Variants in ZFYVE1 observed in about 807,000 individuals in gnomAD.
ZFYVE1 encodes zinc finger FYVE domain-containing protein 1.
ZFYVE1 carries 30 observed loss-of-function variants against 74.4 expected under a neutral mutation model. The observed-to-expected ratio is 0.40, with a 90% CI of 0.30 to 0.55. The LOEUF (loss-of-function observed/expected upper bound fraction) is 0.55, where lower values mean the gene tolerates loss of function less well. Among genes scored for constraint, ZFYVE1 ranks in the 20% least tolerant of loss-of-function variants. The pLI is 0.42. For missense variants in ZFYVE1, 703 were observed against 1,011.6 expected (o/e 0.69, Z 4.14); for synonymous variants, 335 against 385.1 (o/e 0.87, Z 1.52).
Position 73,024,031 on chromosome 14 carries a change from T to G in ZFYVE1, c.478A>C (p.Ile160Leu). 1 of 1,613,730 alleles carries G rather than the reference T, an allele frequency of 6.2e-7. No homozygotes were observed. The highest frequency in any genetic ancestry group is 8.5e-7 in the Non-Finnish European group (1 of 1,179,866). ...SFLLVDENEE[I>L]QVTNEEDFIR... is the part of the protein sequence containing the mutation. ...CACTATACCCGTGTGCTTACCTGAATTTCTTCATTTTCGTCTACTAGGAGG... is the reference window on the plus strand; with the variant it reads ...CACTATACCCGTGTGCTTACCTGAAGTTCTTCATTTTCGTCTACTAGGAGG... Residue 160 changes from isoleucine to leucine, a missense_variant, in exon 2 of 12, where the codon ATT becomes CTT. Ile to Leu is a conservative substitution (Grantham distance 5, BLOSUM62 2). Transcript: ENST00000556143.
rs576614040 is a variant in ZFYVE1, at chr14:72,991,468, C to T, written c.1203+1675G>A. On this transcript the variant is annotated intron_variant, in intron 4 of 11. Coordinates refer to ENST00000556143, the MANE Select transcript of ZFYVE1 (RefSeq NM_021260.4). ...CTTCCCAAAGTGCTGGGATTACAGG[C>T]GTGAGCCACCGCGCCCGGCCCCTGA... 3.9e-5 allele frequency among the ~76,000 whole-genome samples: 6 copies of T among 152,106 alleles called. No homozygotes were observed. The South Asian group carries it at 1.2e-3, about 32-fold the overall frequency.
intron 6 of ZFYVE1, 24 bp from the exon 7 acceptor site, chr14:72,978,258 G>C (rs752169578): frequency 6.2e-7 from 1 of 1,605,608 alleles, no homozygotes; most frequent in Admixed American, 1.7e-5. Context: ...CACTCTGCTA[G>C]CTTATTGTTT....
chr14:72,996,421 G>T (rs1893750072), intron 3 of ZFYVE1, among the ~76,000 whole-genome samples: 1 of 151,906 alleles, frequency 6.6e-6, no homozygotes, highest in Admixed American at 6.6e-5. Context: ...TTTGAGACAG[G>T]GTCTCACTAT....
chr14:72,974,758 A>T, intron 10 of ZFYVE1, 21 bp downstream of exon 10: 1 of 1,582,706 alleles, frequency 6.3e-7, no homozygotes, highest in Non-Finnish European at 8.6e-7. Flanking sequence ...CCACCCCTGC[A>T]GCTCCCAGGT....
At chr14:72,988,526 G>T (rs1893535947) in intron 4 of ZFYVE1, among the ~76,000 whole-genome samples, 2 of 151,684 alleles carry the variant, frequency 1.3e-5, no homozygotes, top group South Asian at 2.1e-4. Context: ...GGCATTTCGG[G>T]CCTGGCACAG....
intron 4 of ZFYVE1, 145 bp downstream of exon 4, chr14:72,992,998 C>G (rs934848047): frequency 1.4e-6 from 1 of 721,846 alleles, no homozygotes; most frequent in Non-Finnish European, 2.2e-6. Context: ...CTGACAGGTG[C>G]GGACTCCATT....
chr14:73,009,398 T>C (rs1450511553), intron 2 of ZFYVE1, among the ~76,000 whole-genome samples: 1 of 152,240 alleles, frequency 6.6e-6, no homozygotes, highest in Non-Finnish European at 1.5e-5. Flanking sequence ...CTGACATCAT[T>C]GCTGCTTTGC....
intron 4 of ZFYVE1, among the ~76,000 whole-genome samples, chr14:72,989,588 C>T (rs188132227): frequency 1.1e-4 from 16 of 152,198 alleles, no homozygotes; most frequent in Non-Finnish European, 1.9e-4. Context: ...TAACCAAATA[C>T]TCAAATATAA....
At chr14:73,010,335 C>T (rs1894062017) in intron 2 of ZFYVE1, among the ~76,000 whole-genome samples, 1 of 152,144 alleles carries the variant, frequency 6.6e-6, no homozygotes, top group Non-Finnish European at 1.5e-5. Flanking sequence ...GGTGCAGTGG[C>T]TCATGCCTGT....
intron 10 of ZFYVE1, among the ~76,000 whole-genome samples, chr14:72,974,446 T>C (rs1359656865): frequency 6.6e-6 from 1 of 152,222 alleles, no homozygotes; most frequent in Non-Finnish European, 1.5e-5. Flanking sequence ...AGAAAGGTTC[T>C]AGGAGCGAAA....
intron 2 of ZFYVE1, among the ~76,000 whole-genome samples, chr14:73,023,136 G>A (rs1894352349): frequency 1.4e-5 from 2 of 143,972 alleles, no homozygotes; most frequent in South Asian, 2.1e-4. Context: ...ACTCCAGCCT[G>A]GGTGACAGAG....
At chr14:73,020,777 A>C (rs1894302723) in intron 2 of ZFYVE1, among the ~76,000 whole-genome samples, 1 of 152,122 alleles carries the variant, frequency 6.6e-6, no homozygotes, top group Admixed American at 6.5e-5. Flanking sequence ...GGAGTTGGAG[A>C]TCATCCTAGC....
Position 72,998,284 on chromosome 14 carries a change from A to T in ZFYVE1, c.515T>A (p.Leu172Ter). The change falls in exon 3 of 12, where the codon TTG becomes TAG. Residue 172 changes from leucine (L) to a stop codon, truncating the protein, a stop_gained. Coordinates refer to ENST00000556143, the MANE Select transcript of ZFYVE1 (RefSeq NM_021260.4). LOFTEE classifies it high-confidence loss of function. ...CAGATGCTGATCAGGTTTGCAGTCC[A>T]ATTTTCTAATAAAGTCTTCTTCATT... is the stretch of plus-strand genomic sequence containing the variant. ...VTNEEDFIRK[L>*]DCKPDQHLKV... The T allele has an allele frequency of 6.5e-7, 1 of 1,531,030 alleles. No individual in the cohort carries two copies. The highest frequency in any genetic ancestry group is 8.8e-7 in the Non-Finnish European group (1 of 1,137,392). The allele number at this position is 1,531,030 out of a possible 1,614,324, so 94.8% of individuals were successfully genotyped here.
intron 4 of ZFYVE1, among the ~76,000 whole-genome samples, chr14:72,989,210 G>A (rs1468623307): frequency 6.6e-6 from 1 of 152,158 alleles, no homozygotes; most frequent in Non-Finnish European, 1.5e-5. Flanking sequence ...ACAGGCATGA[G>A]CCACAGCACC....
At chr14:73,007,106 C>G (rs1893997267) in intron 2 of ZFYVE1, among the ~76,000 whole-genome samples, 1 of 152,012 alleles carries the variant, frequency 6.6e-6, no homozygotes, top group African/African-American at 2.4e-5. Flanking sequence ...TGTTCTCCCT[C>G]GAGAGATTCC....
chr14:72,976,055 T>C, intron 8 of ZFYVE1: 1 of 239,218 alleles, frequency 4.2e-6, no homozygotes, highest in Non-Finnish European at 8.2e-6. Context: ...ATCCTATTTC[T>C]GTGTGTCTAA....
chr14:72,999,378 G>A (rs1426586657), intron 2 of ZFYVE1, among the ~76,000 whole-genome samples: 3 of 152,034 alleles, frequency 2.0e-5, no homozygotes, highest in Admixed American at 6.6e-5. Context: ...AGTGAGCAGC[G>A]ATCGCACCAT....
rs1407179828 is a variant in ZFYVE1, at chr14:72,972,052, T to G, written c.2102-938A>C. On this transcript the variant is annotated intron_variant, in intron 11 of 11. Transcript: ENST00000556143. Reference sequence around the variant, plus strand: ...GCCTGGCCAACATGGTGAAACCCTGTCTCTACTAAAAATACAAAAATTAGC... The same window carrying G: ...GCCTGGCCAACATGGTGAAACCCTGGCTCTACTAAAAATACAAAAATTAGC... Among the ~76,000 whole-genome samples the G allele has an allele frequency of 2.0e-5, 3 of 151,994 alleles. No homozygotes were observed. In the East Asian group the frequency reaches 5.8e-4, roughly 29 times the overall value.
chr14:72,985,672 A>G (rs1381414753), intron 4 of ZFYVE1, among the ~76,000 whole-genome samples: 1 of 152,106 alleles, frequency 6.6e-6, no homozygotes, highest in Non-Finnish European at 1.5e-5. Context: ...AGAAAGAAAA[A>G]AAGAGGAGAC....
Sources: allele counts gnomAD v4.1 joint callset (sites outside exome capture counted in the v4.1 genomes callset), GRCh38; gene constraint gnomAD v4.1.1; transcripts MANE v1.5; gene names NCBI Gene and HGNC (gene_info 2026-07-23, HGNC 2026-07-21).